Variants in FSTL5 observed in about 807,000 individuals in gnomAD.
FSTL5 encodes follistatin-related protein 5.
Under a neutral mutation model 89.1 loss-of-function variants are expected in FSTL5, and 62 were observed. The observed-to-expected ratio is 0.70, with a 90% CI of 0.57 to 0.86. FSTL5 has a LOEUF of 0.86. Among genes scored for constraint, FSTL5 ranks in the 40% least tolerant of loss-of-function variants. The probability of loss-of-function intolerance (pLI) is 0.00; values close to 1 mark genes in which losing one functional copy is unlikely to be tolerated. For synonymous variants in FSTL5, 383 were observed against 346.2 expected, an observed-to-expected ratio of 1.11 and a Z score of -1.18; for missense variants, 1,057 against 1,001.6, an observed-to-expected ratio of 1.06 and a Z score of -0.75.
At chr4:161,849,283 C>T (rs900377600) in intron 4 of FSTL5, among the ~76,000 whole-genome samples, 6 of 152,056 alleles carry the variant, frequency 3.9e-5, no homozygotes, top group African/African-American at 9.7e-5. Flanking sequence ...GGTTTTCTGC[C>T]TCCTTGCACA....
At chr4:162,006,281 C>A (rs992378935) in intron 3 of FSTL5, among the ~76,000 whole-genome samples, 1 of 151,828 alleles carries the variant, frequency 6.6e-6, no homozygotes, top group East Asian at 1.9e-4. Context: ...TATACAAGGA[C>A]TTTCCCTGTT....
chr4:161,805,958 A>G (rs1479948954), intron 4 of FSTL5, among the ~76,000 whole-genome samples: 1 of 152,120 alleles, frequency 6.6e-6, no homozygotes, highest in Non-Finnish European at 1.5e-5. Flanking sequence ...ATATTGTTAC[A>G]ATTCTATCTT....
chr4:162,162,405 C>T (rs999612256), intron 1 of FSTL5, among the ~76,000 whole-genome samples: 14 of 152,070 alleles, frequency 9.2e-5, no homozygotes, highest in Admixed American at 2.0e-4. Flanking sequence ...TGGACATCTA[C>T]TTGCAACCTA....
At chr4:161,886,427 A>G (rs1213781657) in intron 4 of FSTL5, among the ~76,000 whole-genome samples, 1 of 152,224 alleles carries the variant, frequency 6.6e-6, no homozygotes, top group Non-Finnish European at 1.5e-5. Context: ...GAACTACTGT[A>G]ATTTTCAGAA....
chr4:161,416,268 C>A (rs887082840), intron 15 of FSTL5, among the ~76,000 whole-genome samples: 2 of 152,130 alleles, frequency 1.3e-5, no homozygotes, highest in African/African-American at 4.8e-5. Context: ...TCAGAATAAA[C>A]AATTCAGTTT....
intron 1 of FSTL5, among the ~76,000 whole-genome samples, chr4:162,158,116 G>A (rs1492464): frequency 0.53 from 80,042 of 151,816 alleles, 21,277 homozygotes; most frequent in Admixed American, 0.59. Context: ...GAAGGATTAC[G>A]TATGAGTAGC....
At chr4:161,409,624 C>A (rs1317718673) in intron 15 of FSTL5, among the ~76,000 whole-genome samples, 2 of 152,180 alleles carry the variant, frequency 1.3e-5, no homozygotes, top group South Asian at 4.1e-4. Flanking sequence ...TCGTGATCCA[C>A]CTGCCTTGGC....
At chr4:162,033,806 A>AG in intron 2 of FSTL5, 148 bp from the exon 3 acceptor site, 1 of 532,512 alleles carries the variant, frequency 1.9e-6, no homozygotes, top group East Asian at 3.3e-5. Flanking sequence ...ATTTACATAT[A>AG]ATTTTTTTTT....
intron 8 of FSTL5, among the ~76,000 whole-genome samples, chr4:161,550,581 A>C (rs1022307682): frequency 2.0e-5 from 3 of 147,152 alleles, no homozygotes; most frequent in Non-Finnish European, 4.5e-5. Flanking sequence ...TTATTTATTT[A>C]TTTATTTATT....
chr4:161,440,340 G>A (rs1732716819), intron 15 of FSTL5, among the ~76,000 whole-genome samples: 1 of 151,650 alleles, frequency 6.6e-6, no homozygotes, highest in East Asian at 1.9e-4. Flanking sequence ...GCTTCCCTGG[G>A]CCACAATGGA....
At chr4:161,597,928 A>G (rs916275988) in intron 7 of FSTL5, among the ~76,000 whole-genome samples, 1 of 152,192 alleles carries the variant, frequency 6.6e-6, no homozygotes, top group Non-Finnish European at 1.5e-5. Context: ...TACGACATGA[A>G]CAATATTCAT....
chr4:161,499,782 TTTAGCAAATTCTTAGGAATACATAATATA>T (rs367901986), intron 12 of FSTL5, among the ~76,000 whole-genome samples: 4 of 152,136 alleles, frequency 2.6e-5, no homozygotes, highest in African/African-American at 9.6e-5. Context: ...TTACCTTCAT[TTTAGCAAATTCTTAGGAATACATAATATA>T]TTAGCAAATT....
intron 6 of FSTL5, among the ~76,000 whole-genome samples, chr4:161,707,017 G>A (rs1738605864): frequency 6.6e-6 from 1 of 151,902 alleles, no homozygotes; most frequent in African/African-American, 2.4e-5. Flanking sequence ...CTTTTATTCA[G>A]ACTGTAGTTA....
At chr4:161,833,447 T>C (rs1483851427) in intron 4 of FSTL5, among the ~76,000 whole-genome samples, 1 of 96,228 alleles carries the variant, frequency 1.0e-5, no homozygotes, top group African/African-American at 3.4e-5. Context: ...GTTAACTTTC[T>C]GTCTCGTTGA....
At chr4:161,535,543 G>A (rs545127808) in intron 10 of FSTL5, among the ~76,000 whole-genome samples, 8 of 152,020 alleles carry the variant, frequency 5.3e-5, no homozygotes, top group South Asian at 2.1e-4. Flanking sequence ...AGATATCATC[G>A]CACACCAGTC....
At chr4:161,564,140 T>C (rs530901917) in intron 8 of FSTL5, among the ~76,000 whole-genome samples, 2 of 151,832 alleles carry the variant, frequency 1.3e-5, no homozygotes, top group African/African-American at 4.8e-5. Context: ...CAGATAAATC[T>C]CAGCCAGCCT....
chr4:161,722,060 A>T (rs937526757), intron 6 of FSTL5, among the ~76,000 whole-genome samples: 1 of 152,110 alleles, frequency 6.6e-6, no homozygotes, highest in Non-Finnish European at 1.5e-5. Flanking sequence ...AAAGACTTTG[A>T]AGATGTCTTT....
chr4:161,479,271 TAATTATTAC>T (rs1215206427), intron 13 of FSTL5, among the ~76,000 whole-genome samples: 1 of 152,112 alleles, frequency 6.6e-6, no homozygotes, highest in Non-Finnish European at 1.5e-5. Context: ...ACAGTTTATG[TAATTATTAC>T]CATATCACTT....
At chr4:161,786,169 A>G (rs1324611037) in intron 4 of FSTL5, among the ~76,000 whole-genome samples, 1 of 152,062 alleles carries the variant, frequency 6.6e-6, no homozygotes, top group African/African-American at 2.4e-5. Flanking sequence ...GTAAATATTA[A>G]AATACTAGCA....
Sources: allele counts gnomAD v4.1 joint callset (sites outside exome capture counted in the v4.1 genomes callset), GRCh38; gene constraint gnomAD v4.1.1; transcripts MANE v1.5; gene names NCBI Gene and HGNC (gene_info 2026-07-23, HGNC 2026-07-21).